Variants in FRMD6 observed in about 807,000 individuals in gnomAD.
FRMD6 encodes FERM domain-containing protein 6.
In FRMD6, 37 loss-of-function variants were observed where a neutral mutation model predicts 73.2. The ratio of observed to expected loss-of-function variants is 0.51; its 90% CI spans 0.39 to 0.66. The LOEUF (loss-of-function observed/expected upper bound fraction) is 0.66, where lower values mean the gene tolerates loss of function less well. FRMD6 is among the 30% of genes least tolerant of loss of function. FRMD6 has a pLI of 0.00. For synonymous variants in FRMD6, 273 were observed against 282.2 expected (o/e 0.97, Z 0.33); for missense variants, 714 against 780.5 (o/e 0.91, Z 1.02).
At chr14:51,680,015 A>T (rs1384753907) in intron 1 of FRMD6, among the ~76,000 whole-genome samples, 1 of 152,222 alleles carries the variant, frequency 6.6e-6, no homozygotes, top group African/African-American at 2.4e-5. Flanking sequence ...CCTCGGTTAA[A>T]GCTAGAGAAG....
intron 1 of FRMD6, among the ~76,000 whole-genome samples, chr14:51,512,576 T>A (rs1180990894): frequency 2.0e-5 from 3 of 152,084 alleles, no homozygotes; most frequent in Non-Finnish European, 4.4e-5. Flanking sequence ...TGCAAGGAAG[T>A]CACAACCTCC....
At chr14:51,559,095 C>A (rs1348187430) in intron 1 of FRMD6, among the ~76,000 whole-genome samples, 2 of 152,126 alleles carry the variant, frequency 1.3e-5, no homozygotes, top group Non-Finnish European at 2.9e-5. Context: ...TTTAACTGTC[C>A]TAGATAAATG....
At chr14:51,436,933 G>A in the FRMD6 span, 1 of 1,018,594 alleles carries the variant, frequency 9.8e-7, no homozygotes, top group East Asian at 3.1e-5. Context: ...ATGAAGGGGA[G>A]GGAGAGGAGG....
intron 3 of FRMD6, 111 bp downstream of exon 3, chr14:51,698,343 A>G: frequency 1.7e-6 from 1 of 582,174 alleles, no homozygotes; most frequent in South Asian, 2.8e-5. Flanking sequence ...GATTGTCAAA[A>G]TACCCATGGA....
chr14:51,443,158 A>T, the FRMD6 span, among the ~76,000 whole-genome samples: 2 of 152,212 alleles, frequency 1.3e-5, no homozygotes, highest in Non-Finnish European at 2.9e-5. Flanking sequence ...AATAAAACAT[A>T]TTTGTTCCCT....
chr14:51,483,231 G>A, the FRMD6 span, among the ~76,000 whole-genome samples: 1 of 152,112 alleles, frequency 6.6e-6, no homozygotes, highest in East Asian at 1.9e-4. Flanking sequence ...TATCCAATGG[G>A]CACCTTTCTG....
At chr14:51,723,350 C>T (rs1426879378) in intron 12 of FRMD6, among the ~76,000 whole-genome samples, 2 of 151,874 alleles carry the variant, frequency 1.3e-5, no homozygotes, top group Non-Finnish European at 2.9e-5. Flanking sequence ...CTGGACTTTG[C>T]GTTTATATAT....
At chr14:51,724,678 T>C (rs1897845812) in intron 12 of FRMD6, among the ~76,000 whole-genome samples, 1 of 152,196 alleles carries the variant, frequency 6.6e-6, no homozygotes, top group Non-Finnish European at 1.5e-5. Context: ...CAAGTCATTC[T>C]GTAGACTACT....
the FRMD6 span, among the ~76,000 whole-genome samples, chr14:51,458,062 A>G: frequency 6.6e-6 from 1 of 152,236 alleles, no homozygotes; most frequent in South Asian, 2.1e-4. Flanking sequence ...TAAAGGAGGT[A>G]AAAAGCAGAC....
the FRMD6 span, among the ~76,000 whole-genome samples, chr14:51,467,921 C>T: frequency 2.0e-5 from 3 of 152,080 alleles, no homozygotes; most frequent in Non-Finnish European, 2.9e-5. Context: ...TCTCGGTACT[C>T]TGGGAGGCCA....
chr14:51,530,285 C>T (rs930650688), intron 1 of FRMD6, among the ~76,000 whole-genome samples: 1 of 152,076 alleles, frequency 6.6e-6, no homozygotes, highest in South Asian at 2.1e-4. Flanking sequence ...CGTGGCGTCA[C>T]ACTGGAAGCT....
intron 1 of FRMD6, among the ~76,000 whole-genome samples, chr14:51,526,295 T>C (rs1177312420): frequency 1.3e-5 from 2 of 152,194 alleles, no homozygotes; most frequent in Non-Finnish European, 2.9e-5. Context: ...ATCACCTCGG[T>C]GTACAGGAGT....
chr14:51,409,178 T>C, the FRMD6 span, among the ~76,000 whole-genome samples: 1 of 152,090 alleles, frequency 6.6e-6, no homozygotes, highest in African/African-American at 2.4e-5. Flanking sequence ...CTATTAGCCT[T>C]CTGACCCTCT....
chr14:51,674,736 G>A (rs934322029), intron 1 of FRMD6, among the ~76,000 whole-genome samples: 1 of 152,070 alleles, frequency 6.6e-6, no homozygotes, highest in East Asian at 1.9e-4. Context: ...CATACTTTAA[G>A]CCTCTCTCAA....
the FRMD6 span, among the ~76,000 whole-genome samples, chr14:51,480,629 G>A: frequency 6.6e-6 from 1 of 152,094 alleles, no homozygotes; most frequent in Admixed American, 6.5e-5. Flanking sequence ...GATTAGGGGA[G>A]TCTTATGTCC....
At chr14:51,713,426 C>G (rs1897061109) in intron 9 of FRMD6, among the ~76,000 whole-genome samples, 1 of 148,074 alleles carries the variant, frequency 6.8e-6, no homozygotes, top group African/African-American at 2.5e-5. Context: ...CCATTGCACT[C>G]CAGCCTAGGT....
intron 3 of FRMD6, among the ~76,000 whole-genome samples, chr14:51,699,375 A>G (rs1896144504): frequency 6.6e-6 from 1 of 152,088 alleles, no homozygotes; most frequent in African/African-American, 2.4e-5. Context: ...GATTCTAAGT[A>G]ACTTTTAGTA....
chr14:51,520,640 C>T lies in FRMD6; in HGVS notation c.-210+31220C>T, dbSNP rs1884902530. On this transcript the variant is annotated intron_variant, in intron 1 of 14. Coordinates refer to the FRMD6 transcript ENST00000356218. ...GTAAACTGGCGAGTACGGTGGCTCA[C>T]CTCTTCCAGCACTGTAGAAGGCTGA... Among the ~76,000 whole-genome samples, 4 of 152,168 alleles carry T rather than the reference C, an allele frequency of 2.6e-5. No homozygotes were observed. In the South Asian group the frequency reaches 8.3e-4, roughly 32 times the overall value.
At chr14:51,561,781 A>C (rs1214085398) in intron 1 of FRMD6, among the ~76,000 whole-genome samples, 1 of 152,216 alleles carries the variant, frequency 6.6e-6, no homozygotes, top group Non-Finnish European at 1.5e-5. Flanking sequence ...TAATACATAT[A>C]ATCCTTTCAG....
Sources: gnomAD v4.1 joint callset for allele counts (sites outside exome capture counted in the v4.1 genomes callset) on GRCh38, gnomAD v4.1.1 for gene constraint, MANE v1.5 for transcripts, NCBI Gene and HGNC (gene_info 2026-07-23, HGNC 2026-07-21) for gene names.